The following ADAMTS2 variants were observed in gnomAD, a reference collection of about 807,000 sequenced individuals.
The protein encoded by ADAMTS2 is ADAM metallopeptidase with thrombospondin type 1 motif 2, also known as A disintegrin and metalloproteinase with thrombospondin motifs 2.
A neutral mutation model predicts 123.0 loss-of-function variants in ADAMTS2; 50 were observed. That is an observed-to-expected ratio of 0.41 (90% CI 0.32 to 0.51). The LOEUF is 0.51. ADAMTS2 is among the 20% of genes least tolerant of loss of function. The pLI is 0.35. For missense variants in ADAMTS2, 1,494 were observed against 1,705.2 expected (o/e 0.88, Z 2.18); for synonymous variants, 678 against 695.4 (o/e 0.98, Z 0.39).
chr5:179,167,351 A>G (rs868005758), intron 5 of ADAMTS2, among the ~76,000 whole-genome samples: 20 of 151,904 alleles, frequency 1.3e-4, no homozygotes, highest in African/African-American at 4.8e-4. Flanking sequence ...CCGCGGCCGC[A>G]CCCGGGCTCC....
rs1374329473 is a variant in ADAMTS2, at chr5:179,317,043, G to A, written c.534+26724C>T. ...AAAGGATAGGGAAAGAACAAAAGAA[G>A]GAAAGAAAGAAATTCCAGCTAATTC... On this transcript the variant is annotated intron_variant, in intron 2 of 21. Transcript: ENST00000251582. The surrounding 1 kb of genome is among the most constrained non-coding windows in gnomAD (Gnocchi z 4.9). 1.3e-5 allele frequency among the ~76,000 whole-genome samples: 2 copies of A among 152,148 alleles called. No individual in the cohort carries two copies. Among genetic ancestry groups the A allele is most frequent in the Admixed American group, 6.5e-5 (1 of 15,270 alleles).
chr5:179,158,380 GCT>G lies in ADAMTS2; in HGVS notation c.1132+341_1132+342del, dbSNP rs2113263954. ...TTTAGACCTAAAATCCATGTGAGATGCTCTCTGTCTATAGAGTGAGTGGAGGT... is the reference window on the plus strand; with the variant it reads ...TTTAGACCTAAAATCCATGTGAGATGCTCTGTCTATAGAGTGAGTGGAGGT... On this transcript the variant is annotated intron_variant, in intron 6 of 21. Coordinates refer to ENST00000251582, the MANE Select transcript of ADAMTS2 (RefSeq NM_014244.5). The surrounding 1 kb of genome is among the most constrained non-coding windows in gnomAD (Gnocchi z 5.0). Among the ~76,000 whole-genome samples, 1 of 152,296 alleles carries G rather than the reference GCT, an allele frequency of 6.6e-6. No individual in the cohort carries two copies. Among genetic ancestry groups the G allele is most frequent in the Non-Finnish European group, 1.5e-5 (1 of 68,026 alleles).
chr5:179,259,560 A>G (rs1470793763), intron 3 of ADAMTS2, among the ~76,000 whole-genome samples: 1 of 152,134 alleles, frequency 6.6e-6, no homozygotes, highest in Non-Finnish European at 1.5e-5. Context: ...GCAGTGCTCC[A>G]GCCCGACGGC....
intron 4 of ADAMTS2, among the ~76,000 whole-genome samples, chr5:179,203,118 GGAGCTGTGCCT>G (rs1764604446): frequency 6.6e-6 from 1 of 152,204 alleles, no homozygotes; most frequent in South Asian, 2.1e-4. Flanking sequence ...CTGCCAGGGT[GGAGCTGTGCCT>G]GCACTCAGCC....
intron 4 of ADAMTS2, among the ~76,000 whole-genome samples, chr5:179,194,285 T>C (rs1299274120): frequency 1.3e-5 from 2 of 152,136 alleles, no homozygotes; most frequent in Non-Finnish European, 2.9e-5. Flanking sequence ...GTTCCCCACC[T>C]GCTCACCATC....
At chr5:179,288,276 C>T (rs976176831) in intron 2 of ADAMTS2, among the ~76,000 whole-genome samples, 2 of 152,210 alleles carry the variant, frequency 1.3e-5, no homozygotes, top group Non-Finnish European at 2.9e-5. Context: ...GCACGCTGAC[C>T]GCCGACCGTC....
Position 179,215,988 on chromosome 5 carries a change from T to C in ADAMTS2, c.689-8273A>G, listed in dbSNP as rs1486742126. Among the ~76,000 whole-genome samples the C allele has an allele frequency of 3.9e-5, 6 of 152,204 alleles. No individual in the cohort carries two copies. The South Asian group carries it at 8.3e-4, about 21-fold the overall frequency. On this transcript the variant is annotated intron_variant, in intron 3 of 21. Transcript: ENST00000251582. The stretch of plus-strand genomic sequence containing the variant: ...AGGACATTTCTAGACATGTCAGTTC[T>C]CAAAAGATTTATGTGACAAGCACTC...
Position 179,180,654 on chromosome 5 carries a change from C to T in ADAMTS2, c.975+418G>A, listed in dbSNP as rs1764023757. On this transcript the variant is annotated intron_variant, in intron 5 of 21. Transcript: ENST00000251582. The surrounding 1 kb of genome is among the most constrained non-coding windows in gnomAD (Gnocchi z 4.6). ...CCCAGAAAACTAACTCAGGACCGCT[C>T]CACTCCCCAGAGCCCACTGGAATTA... 6.6e-6 allele frequency among the ~76,000 whole-genome samples: 1 copy of T among 152,124 alleles called. No homozygotes were observed. The highest frequency in any genetic ancestry group is 6.5e-5 in the Admixed American group (1 of 15,278).
chr5:179,160,475 A>G (rs1763573626), intron 5 of ADAMTS2, among the ~76,000 whole-genome samples: 1 of 152,186 alleles, frequency 6.6e-6, no homozygotes, highest in African/African-American at 2.4e-5. Flanking sequence ...CAAACAACAA[A>G]GGGTATTGTT....
Position 179,344,157 on chromosome 5 carries a change from C to A in ADAMTS2, c.144G>T (p.Gly48=). The change falls in exon 2 of 22, where the codon GGG becomes GGT. Residue 48 remains glycine, a synonymous_variant. Transcript: ENST00000251582. ...TGCGCTCCGCTCCGTGCCCCAGGGG[C>A]CCGCCTGCAACGGGAAGGGGCGTTA... The part of the protein sequence containing the change: ...RLAAAADPPG[G]PLGHGAERIL... 1 of 1,597,362 alleles carries A rather than the reference C, an allele frequency of 6.3e-7. No homozygotes were observed. Among genetic ancestry groups the A allele is most frequent in the Non-Finnish European group, 8.5e-7 (1 of 1,173,204 alleles).
intron 3 of ADAMTS2, among the ~76,000 whole-genome samples, chr5:179,247,453 A>T (rs1180404281): frequency 1.3e-5 from 2 of 152,214 alleles, no homozygotes; most frequent in African/African-American, 4.8e-5. Flanking sequence ...AGGGGCATAA[A>T]GAATGTTTGA....
At position 179,262,724 on chromosome 5, in the gene ADAMTS2, C is replaced by A. The variant is rs1384098366; in HGVS notation, c.688+10187G>T. On this transcript the variant is annotated intron_variant, in intron 3 of 21. Coordinates refer to ENST00000251582, the MANE Select transcript of ADAMTS2 (RefSeq NM_014244.5). The surrounding 1 kb of genome is among the most constrained non-coding windows in gnomAD (Gnocchi z 5.9). ...GCCTTCTCACGCTGCCCTTTCACCC[C>A]GTTTTACTTTGTTCACAGGATTCTC... is the stretch of plus-strand genomic sequence containing the variant. 6.6e-6 allele frequency among the ~76,000 whole-genome samples: 1 copy of A among 152,192 alleles called. No homozygotes were observed. Among genetic ancestry groups the A allele is most frequent in the Non-Finnish European group, 1.5e-5 (1 of 68,040 alleles).
intron 2 of ADAMTS2, among the ~76,000 whole-genome samples, chr5:179,305,304 G>A (rs1471120552): frequency 6.6e-6 from 1 of 152,146 alleles, no homozygotes; most frequent in Non-Finnish European, 1.5e-5. Flanking sequence ...TAACAGATTA[G>A]GCTCTTGCGT....
chr5:179,156,680 C>T (rs1013164436), intron 6 of ADAMTS2, among the ~76,000 whole-genome samples: 3 of 152,034 alleles, frequency 2.0e-5, no homozygotes, highest in Non-Finnish European at 2.9e-5. Flanking sequence ...TTTTTACTTC[C>T]CCCATCCTAT....
At chr5:179,266,981 T>C (rs1581232106) in intron 3 of ADAMTS2, among the ~76,000 whole-genome samples, 1 of 152,280 alleles carries the variant, frequency 6.6e-6, no homozygotes, top group African/African-American at 2.4e-5. Flanking sequence ...CACTCAACTC[T>C]TTGTGAGACT....
intron 2 of ADAMTS2, among the ~76,000 whole-genome samples, chr5:179,311,984 G>A (rs1756846197): frequency 6.6e-6 from 1 of 152,222 alleles, no homozygotes; most frequent in African/African-American, 2.4e-5. Flanking sequence ...GCAGTGGGGA[G>A]GAGGGAGAAG....
chr5:179,340,032 G>A (rs971756973), intron 2 of ADAMTS2, among the ~76,000 whole-genome samples: 1 of 152,260 alleles, frequency 6.6e-6, no homozygotes, highest in Non-Finnish European at 1.5e-5. Context: ...CTGAAAGGCA[G>A]CAGCCCTGGA....
Position 179,153,633 on chromosome 5 carries a change from A to G in ADAMTS2, c.1383-10T>C, listed in dbSNP as rs1216525613. 1 of 1,599,846 alleles carries G rather than the reference A, an allele frequency of 6.3e-7. No individual in the cohort carries two copies. On this transcript the variant is annotated splice_polypyrimidine_tract_variant and intron_variant, in intron 8 of 21. Coordinates refer to ENST00000251582, the MANE Select transcript of ADAMTS2 (RefSeq NM_014244.5). The stretch of plus-strand genomic sequence containing the variant: ...CAGGCAGTCATAGGAGCTGTGGGGG[A>G]CACACGGTGCCGCGAGCAGCCTTCA...
chr5:179,343,747 C>T lies in ADAMTS2; in HGVS notation c.534+20G>A. ...GGCGAGAGCAGCGGAGAGAAAGGAG[C>T]TAGAGAAGTGCGTACTCACCAGCCC... On this transcript the variant is annotated intron_variant, in intron 2 of 21. Transcript: ENST00000251582. 1 of 1,606,884 alleles carries T rather than the reference C, an allele frequency of 6.2e-7. No individual in the cohort carries two copies. Among genetic ancestry groups the T allele is most frequent in the Non-Finnish European group, 8.5e-7 (1 of 1,179,212 alleles).
Sources: allele counts gnomAD v4.1 joint callset (sites outside exome capture counted in the v4.1 genomes callset), GRCh38; gene constraint gnomAD v4.1.1; non-coding constraint Gnocchi (gnomAD v3.1); transcripts MANE v1.5; gene names NCBI Gene and HGNC (gene_info 2026-07-23, HGNC 2026-07-21).